Variants in PIK3C2G observed in about 807,000 individuals in gnomAD.
PIK3C2G encodes the protein phosphatidylinositol-4-phosphate 3-kinase catalytic subunit type 2 gamma.
PIK3C2G carries 168 observed loss-of-function variants against 181.1 expected under a neutral mutation model. The ratio of observed to expected loss-of-function variants is 0.93; its 90% CI spans 0.82 to 1.05. PIK3C2G has a LOEUF of 1.05. PIK3C2G is among the 50% of genes least tolerant of loss of function. The probability of loss-of-function intolerance (pLI) is 0.00; values close to 1 mark genes in which losing one functional copy is unlikely to be tolerated. For synonymous variants in PIK3C2G, 573 were observed against 592.2 expected, an observed-to-expected ratio of 0.97 and a Z score of 0.47; for missense variants, 1,869 against 1,732.8, an observed-to-expected ratio of 1.08 and a Z score of -1.40.
chr12:18,267,143 T>C (rs988111539), intron 1 of PIK3C2G, among the ~76,000 whole-genome samples: 1 of 152,088 alleles, frequency 6.6e-6, no homozygotes, highest in Non-Finnish European at 1.5e-5. Context: ...GTATTCATAG[T>C]ATTTCTCAAT....
intron 6 of PIK3C2G, among the ~76,000 whole-genome samples, chr12:18,319,238 G>A (rs1951001268): frequency 6.6e-6 from 1 of 152,052 alleles, no homozygotes; most frequent in Non-Finnish European, 1.5e-5. Flanking sequence ...TTGGTCAAAA[G>A]TATGCCAACG....
At chr12:18,427,921 A>T (rs1397782800) in intron 18 of PIK3C2G, among the ~76,000 whole-genome samples, 1 of 152,226 alleles carries the variant, frequency 6.6e-6, no homozygotes, top group East Asian at 1.9e-4. Context: ...GAAATAAAAC[A>T]GGAAGGAGTT....
Position 18,505,407 on chromosome 12 carries a change from A to T in PIK3C2G, c.3269A>T (p.His1090Leu). 1.2e-6 allele frequency: 2 copies of T among 1,613,594 alleles called. No individual in the cohort carries two copies. Among genetic ancestry groups the T allele is most frequent in the Non-Finnish European group, 8.5e-7 (1 of 1,179,712 alleles). ...CTGACAAAGTCGGGCCACATGTTTC[A>T]TATTGACTTTGGAAAATTCTTAGGT... ...IMLTKSGHMF[H>L]IDFGKFLGHA... Residue 1090 changes from histidine to leucine, a missense_variant, in exon 24 of 33, where the codon CAT (histidine) becomes CTT (leucine). His to Leu is a moderately conservative substitution (Grantham distance 99). Transcript: ENST00000538779.
intron 29 of PIK3C2G, among the ~76,000 whole-genome samples, chr12:18,574,874 C>A (rs1394254543): frequency 6.6e-6 from 1 of 152,004 alleles, no homozygotes; most frequent in Non-Finnish European, 1.5e-5. Flanking sequence ...GTTTAAATTT[C>A]TTTTGTTACA....
chr12:18,707,044 G>GCCT, the PIK3C2G span, among the ~76,000 whole-genome samples: 1 of 152,126 alleles, frequency 6.6e-6, no homozygotes, highest in Admixed American at 6.6e-5. Context: ...TCTTCCCACT[G>GCCT]CCTCCTCCTC....
chr12:18,517,223 G>A (rs151016075), intron 24 of PIK3C2G, among the ~76,000 whole-genome samples: 7 of 152,070 alleles, frequency 4.6e-5, no homozygotes, highest in African/African-American at 1.2e-4. Context: ...AAGACTTATC[G>A]TGAGTACCAG....
chr12:18,341,875 T>C (rs1939175265), intron 9 of PIK3C2G, among the ~76,000 whole-genome samples: 1 of 152,142 alleles, frequency 6.6e-6, no homozygotes, highest in South Asian at 2.1e-4. Context: ...GACTATTTCC[T>C]GCCATACAGG....
the PIK3C2G span, among the ~76,000 whole-genome samples, chr12:18,710,387 A>G: frequency 6.6e-6 from 1 of 151,956 alleles, no homozygotes. Context: ...TCTGAAAAGG[A>G]CTAAGGAGGC....
At chr12:18,579,407 A>T (rs1946382247) in intron 29 of PIK3C2G, among the ~76,000 whole-genome samples, 1 of 152,196 alleles carries the variant, frequency 6.6e-6, no homozygotes, top group South Asian at 2.1e-4. Flanking sequence ...AGGGAATGAG[A>T]TAAAGAGACT....
intron 29 of PIK3C2G, among the ~76,000 whole-genome samples, chr12:18,577,611 T>C (rs573217449): frequency 6.6e-6 from 1 of 152,324 alleles, no homozygotes; most frequent in East Asian, 1.9e-4. Flanking sequence ...TGAGAATATT[T>C]CAGCCATCTT....
the PIK3C2G span, among the ~76,000 whole-genome samples, chr12:18,694,378 C>T: frequency 1.3e-5 from 2 of 152,064 alleles, no homozygotes; most frequent in Non-Finnish European, 2.9e-5. Flanking sequence ...TTAAAGTTGA[C>T]ACAAATTAAC....
At chr12:18,698,677 T>C in the PIK3C2G span, among the ~76,000 whole-genome samples, 4 of 152,164 alleles carry the variant, frequency 2.6e-5, no homozygotes, top group Non-Finnish European at 5.9e-5. Context: ...AATATATTTA[T>C]GGAGTACACG....
At chr12:18,370,109 T>C (rs934808971) in intron 12 of PIK3C2G, among the ~76,000 whole-genome samples, 1 of 152,106 alleles carries the variant, frequency 6.6e-6, no homozygotes, top group African/African-American at 2.4e-5. Context: ...TATAATTCTA[T>C]ACAATTGAGA....
Position 18,325,035 on chromosome 12 carries a change from A to T in PIK3C2G, c.1209A>T (p.Arg403Ser). 2.7e-6 allele frequency: 4 copies of T among 1,508,164 alleles called. No individual in the cohort carries two copies. In the African/African-American group the frequency reaches 5.5e-5, roughly 21 times the overall value. 93.4% of individuals were successfully genotyped at this position (1,508,164 alleles called of 1,614,324 possible). A position where few individuals can be genotyped will look rare whatever the true frequency, so the allele number is the denominator to read the frequency against. The change falls in exon 8 of 33, where the codon AGA (arginine) becomes AGT (serine). Residue 403 changes from arginine to serine, a missense_variant and splice_region_variant. Transcript: ENST00000538779. ...AAAGTTTCTATTTTTTATTTTCCAG[A>T]CAATGTCTCTTAACACTCATCAGAA... ...LEFMHIWKVS[R>S]QCLLTLIRKY... is the part of the protein sequence containing the mutation.
chr12:18,268,009 C>CA (rs1640259419), intron 1 of PIK3C2G, among the ~76,000 whole-genome samples: 1 of 152,190 alleles, frequency 6.6e-6, no homozygotes, highest in Admixed American at 6.5e-5. Context: ...TGCAACAGAT[C>CA]AACCTTTTTA....
At chr12:18,472,987 G>A (rs969608875) in intron 18 of PIK3C2G, among the ~76,000 whole-genome samples, 2 of 152,076 alleles carry the variant, frequency 1.3e-5, no homozygotes, top group Non-Finnish European at 2.9e-5. Flanking sequence ...GGCGTGAGCC[G>A]TCGCGCATGG....
chr12:18,492,717 G>C (rs1940674331), intron 20 of PIK3C2G, among the ~76,000 whole-genome samples: 1 of 152,000 alleles, frequency 6.6e-6, no homozygotes, highest in East Asian at 1.9e-4. Flanking sequence ...TTGCTTTATT[G>C]GCTGCTTGTT....
chr12:18,418,972 C>G (rs11044095), intron 16 of PIK3C2G, among the ~76,000 whole-genome samples: 16,388 of 151,982 alleles, frequency 0.11, 922 homozygotes, highest in Non-Finnish European at 0.13. Context: ...AAAATATTAC[C>G]TTTAACATTT....
chr12:18,532,062 T>A (rs962644372), intron 24 of PIK3C2G, among the ~76,000 whole-genome samples: 1 of 152,302 alleles, frequency 6.6e-6, no homozygotes, highest in African/African-American at 2.4e-5. Context: ...TTATTTTTTA[T>A]CTAGCCATTT....
Sources: allele counts gnomAD v4.1 joint callset (sites outside exome capture counted in the v4.1 genomes callset), GRCh38; gene constraint gnomAD v4.1.1; transcripts MANE v1.5; gene names NCBI Gene and HGNC (gene_info 2026-07-23, HGNC 2026-07-21).